ROCK2: variants seen among roughly 807,000 people sequenced by gnomAD.
ROCK2 encodes Rho associated coiled-coil containing protein kinase 2.
Under a neutral mutation model 195.1 loss-of-function variants are expected in ROCK2, and 61 were observed. The ratio of observed to expected loss-of-function variants is 0.31; its 90% CI spans 0.25 to 0.39. The LOEUF is 0.39. Among genes scored for constraint, ROCK2 ranks in the 10% least tolerant of loss-of-function variants. The pLI is 1.00. For missense variants in ROCK2, 1,109 were observed against 1,637.4 expected (o/e 0.68, Z 5.57); for synonymous variants, 504 against 545.5 (o/e 0.92, Z 1.06).
In ROCK2 at chr2:11,195,099, AAT is replaced by A. The variant is rs200526944; in HGVS notation, c.3449-76_3449-75del. The A allele has an allele frequency of 3.0e-4, 227 of 747,500 alleles. 1 individual carries two copies. In the East Asian group the frequency reaches 6.4e-3, roughly 21 times the overall value. The allele number at this position is 747,500 out of a possible 1,614,324, so 46.3% of individuals were successfully genotyped here. ...ATAACAAAGAACTTAATAAAATTTT[AAT>A]ATGAAATTTATAAAACAAATAAAAT... On this transcript the variant is annotated intron_variant, in intron 27 of 32. Coordinates refer to ENST00000315872, the MANE Select transcript of ROCK2 (RefSeq NM_004850.5).
chr2:11,302,605 G>C (rs1667742631), intron 1 of ROCK2, among the ~76,000 whole-genome samples: 2 of 152,120 alleles, frequency 1.3e-5, no homozygotes, highest in South Asian at 4.1e-4. Context: ...TTGTCCCATA[G>C]AGAAGGCACT....
intron 12 of ROCK2, 51 bp from the exon 13 acceptor site, chr2:11,216,257 CAT>C (rs761644363): frequency 3.9e-6 from 5 of 1,269,302 alleles, no homozygotes; most frequent in Admixed American, 1.8e-5. Flanking sequence ...TACAATAAAA[CAT>C]AGTCTATAAA....
At chr2:11,205,888 C>A (rs977542185) in intron 20 of ROCK2, among the ~76,000 whole-genome samples, 1 of 152,102 alleles carries the variant, frequency 6.6e-6, no homozygotes, top group South Asian at 2.1e-4. Flanking sequence ...CCAGGCAGAT[C>A]ACCTGAGGTC....
intron 6 of ROCK2, among the ~76,000 whole-genome samples, chr2:11,225,958 GTAATTATTA>G (rs1224727019): frequency 8.5e-5 from 13 of 152,174 alleles, no homozygotes; most frequent in African/African-American, 3.1e-4. Context: ...AAGTTCAAGA[GTAATTATTA>G]TTTAAATTTG....
intron 3 of ROCK2, among the ~76,000 whole-genome samples, chr2:11,267,452 T>C (rs1666457664): frequency 6.7e-6 from 1 of 149,180 alleles, no homozygotes; most frequent in Admixed American, 6.7e-5. Flanking sequence ...AATCTCCCAC[T>C]CTCCCGACCA....
chr2:11,288,337 G>GA (rs1226161673), intron 1 of ROCK2, among the ~76,000 whole-genome samples: 11 of 152,076 alleles, frequency 7.2e-5, no homozygotes, highest in Non-Finnish European at 1.3e-4. Flanking sequence ...TGGTGGAGGT[G>GA]AAAAAAACTC....
chr2:11,274,554 C>CT (rs1460339240), intron 3 of ROCK2, among the ~76,000 whole-genome samples: 2 of 152,168 alleles, frequency 1.3e-5, no homozygotes, highest in African/African-American at 4.8e-5. Flanking sequence ...TCTACCAAGA[C>CT]TAACTCACAC....
intron 1 of ROCK2, among the ~76,000 whole-genome samples, chr2:11,301,657 A>G (rs1304012181): frequency 6.6e-6 from 1 of 151,188 alleles, no homozygotes; most frequent in Admixed American, 6.6e-5. Context: ...AGGTGCCTGT[A>G]ATTTCAGCTA....
chr2:11,301,855 T>G (rs1468304883), intron 1 of ROCK2, among the ~76,000 whole-genome samples: 1 of 152,048 alleles, frequency 6.6e-6, no homozygotes, highest in Non-Finnish European at 1.5e-5. Context: ...GGTTTAGAAT[T>G]CCTTTCCCTT....
At chr2:11,185,247 C>G (rs566451091) in intron 32 of ROCK2, among the ~76,000 whole-genome samples, 18 of 152,280 alleles carry the variant, frequency 1.2e-4, no homozygotes, top group Admixed American at 7.2e-4. Flanking sequence ...AGGACCCTGC[C>G]TGCTCAATGT....
chr2:11,231,173 G>A (rs59266229), intron 5 of ROCK2, among the ~76,000 whole-genome samples: 3,370 of 151,124 alleles, frequency 0.022, 56 homozygotes, highest in East Asian at 0.053. Flanking sequence ...GATAAAAATC[G>A]TCTTCAGGTA....
chr2:11,261,614 C>G (rs1356146015), intron 3 of ROCK2, among the ~76,000 whole-genome samples: 3 of 152,096 alleles, frequency 2.0e-5, no homozygotes, highest in Admixed American at 6.6e-5. Context: ...GTCAGCAGTT[C>G]GAGACCAGCC....
At chr2:11,212,224 GT>G (rs1001363927) in intron 17 of ROCK2, among the ~76,000 whole-genome samples, 216 of 152,072 alleles carry the variant, frequency 1.4e-3, no homozygotes, top group African/African-American at 5.1e-3. Flanking sequence ...ACCTTAACTT[GT>G]TTTTTAACAG....
Position 11,235,042 on chromosome 2 carries a change from T to A in ROCK2, c.723+660A>T, listed in dbSNP as rs1469516150. On this transcript the variant is annotated intron_variant, in intron 5 of 32. Transcript: ENST00000315872. The surrounding 1 kb of genome is among the most constrained non-coding windows in gnomAD (Gnocchi z 4.2). ...AAGTCGACTCCTAGGACCAACAGGG[T>A]AATACAAAGGAAACAGAACCGATCC... Among the ~76,000 whole-genome samples the A allele has an allele frequency of 1.3e-5, 2 of 152,060 alleles. No individual in the cohort carries two copies. Among genetic ancestry groups the A allele is most frequent in the African/African-American group, 4.8e-5 (2 of 41,398 alleles).
In ROCK2 at chr2:11,219,032, T is replaced by C. The variant is rs570882104; in HGVS notation, c.1260-6A>G. The C allele has an allele frequency of 1.3e-5, 19 of 1,424,760 alleles. No homozygotes were observed. The South Asian group carries it at 2.2e-4, about 16-fold the overall frequency. The allele number at this position is 1,424,760 out of a possible 1,614,324, so 88.3% of individuals were successfully genotyped here. On this transcript the variant is annotated splice_polypyrimidine_tract_variant and splice_region_variant and intron_variant, in intron 9 of 32. Transcript: ENST00000315872. ...ATGGAGAGTCACTTAATAATCTACA[T>C]GGAAGGGGGGAGAAAATAAATTTTT...
chr2:11,326,460 T>G (rs747543764), intron 1 of ROCK2, among the ~76,000 whole-genome samples: 1 of 152,216 alleles, frequency 6.6e-6, no homozygotes, highest in Admixed American at 6.5e-5. Context: ...GAAGACATTA[T>G]AGTGTATGGA....
chr2:11,305,478 CTT>C (rs372981231), intron 1 of ROCK2, among the ~76,000 whole-genome samples: 1 of 150,120 alleles, frequency 6.7e-6, no homozygotes, highest in African/African-American at 2.5e-5. Flanking sequence ...CACACACACA[CTT>C]ACGTGCATGC....
rs762621185 is a variant in ROCK2, at chr2:11,313,346, G to C, written c.142-25610C>G. Among the ~76,000 whole-genome samples, 22 of 151,954 alleles carry C rather than the reference G, an allele frequency of 1.4e-4. 1 individual carries two copies. The highest frequency in any genetic ancestry group is 2.8e-4 in the Non-Finnish European group (19 of 67,884). On this transcript the variant is annotated intron_variant, in intron 1 of 32. Transcript: ENST00000315872. ...AACAAGAAAGACTCTGACCAGCAGT[G>C]AATAAATGGGACAAATTTACACTCT...
At chr2:11,196,054 G>C (rs927952267) in intron 27 of ROCK2, among the ~76,000 whole-genome samples, 1 of 152,090 alleles carries the variant, frequency 6.6e-6, no homozygotes, top group African/African-American at 2.4e-5. Flanking sequence ...CTTCTATTAT[G>C]TATCAATCGT....
Sources: gnomAD v4.1 joint callset for allele counts (sites outside exome capture counted in the v4.1 genomes callset) on GRCh38, gnomAD v4.1.1 for gene constraint, Gnocchi (gnomAD v3.1) non-coding constraint, MANE v1.5 for transcripts, NCBI Gene and HGNC (gene_info 2026-07-23, HGNC 2026-07-21) for gene names.